The following DARS2 variants were observed in gnomAD, a reference collection of about 807,000 sequenced individuals.
The protein encoded by DARS2 is aspartyl-tRNA synthetase 2, mitochondrial.
DARS2 carries 63 observed loss-of-function variants against 83.0 expected under a neutral mutation model. The observed-to-expected ratio is 0.76, with a 90% CI of 0.62 to 0.94. The LOEUF (loss-of-function observed/expected upper bound fraction) is 0.94, where lower values mean the gene tolerates loss of function less well. Ranked by LOEUF, DARS2 falls within the 40% of genes least tolerant of loss-of-function variation. The probability of loss-of-function intolerance (pLI) is 0.00; values close to 1 mark genes in which losing one functional copy is unlikely to be tolerated. For synonymous variants in DARS2, 250 were observed against 269.3 expected (o/e 0.93, Z 0.70); for missense variants, 675 against 774.4 (o/e 0.87, Z 1.52).
Position 173,853,382 on chromosome 1 carries a change from G to A in DARS2, c.1378G>A (p.Ala460Thr). 1 of 1,613,970 alleles carries A rather than the reference G, an allele frequency of 6.2e-7. No homozygotes were observed. Among genetic ancestry groups the A allele is most frequent in the East Asian group, 2.2e-5 (1 of 44,860 alleles). The change falls in exon 14 of 17, where the codon GCT (alanine) becomes ACT (threonine). Residue 460 changes from alanine to threonine, a missense_variant. By Grantham distance (58) the Ala-to-Thr change is moderately conservative (BLOSUM62 0). Transcript: ENST00000649689. Reference sequence around the variant, plus strand: ...GTTAGGAAAATTACGACTGGAATGTGCTGACCTTCTAGAAACAAGAGGAGT... The same window carrying A: ...GTTAGGAAAATTACGACTGGAATGTACTGACCTTCTAGAAACAAGAGGAGT... ...SLLGKLRLECADLLETRGVVL... is the reference protein window; with the variant it reads ...SLLGKLRLECTDLLETRGVVL...
At chr1:173,848,802 C>T (rs1380127185) in intron 12 of DARS2, among the ~76,000 whole-genome samples, 1 of 152,104 alleles carries the variant, frequency 6.6e-6, no homozygotes, top group Non-Finnish European at 1.5e-5. Context: ...CCTTTCAATA[C>T]GAAGGTTTAT....
At chr1:173,853,276 G>T (rs138908634) in intron 13 of DARS2, 73 bp from the exon 14 acceptor site, 1 of 1,459,834 alleles carries the variant, frequency 6.9e-7, no homozygotes, top group Non-Finnish European at 9.6e-7. Flanking sequence ...GCCTGGCTTC[G>T]GAATCCAGGC....
chr1:173,847,714 C>T (rs1196193830), intron 12 of DARS2, among the ~76,000 whole-genome samples: 1 of 151,996 alleles, frequency 6.6e-6, no homozygotes, highest in African/African-American at 2.4e-5. Flanking sequence ...GGAAATATCT[C>T]TACATACTTT....
chr1:173,854,045 A>G, intron 15 of DARS2, 140 bp downstream of exon 15: 3 of 727,962 alleles, frequency 4.1e-6, no homozygotes, highest in East Asian at 5.5e-5. Context: ...GTGCATTCAT[A>G]GCTCACTGCA....
intron 11 of DARS2, among the ~76,000 whole-genome samples, chr1:173,843,763 T>C (rs1653319240): frequency 6.6e-6 from 1 of 152,236 alleles, no homozygotes; most frequent in Non-Finnish European, 1.5e-5. Context: ...GAAGCTGGTT[T>C]GACCACCACA....
chr1:173,855,816 CA>C (rs1653839303), intron 15 of DARS2, among the ~76,000 whole-genome samples: 1 of 134,858 alleles, frequency 7.4e-6, no homozygotes, highest in Non-Finnish European at 1.5e-5. Context: ...TCACGCCCAG[CA>C]TTTTTTTTTT....
chr1:173,848,143 G>A (rs1653513734), intron 12 of DARS2, among the ~76,000 whole-genome samples: 1 of 152,126 alleles, frequency 6.6e-6, no homozygotes, highest in African/African-American at 2.4e-5. Flanking sequence ...GTGAGCCACC[G>A]TGCCCGGCCC....
Position 173,825,075 on chromosome 1 carries a change from G to A in DARS2, c.-155G>A. On this transcript the variant is annotated 5_prime_UTR_variant, in exon 1 of 17. Transcript: ENST00000649689. ...AGATTTGTCTTGTTTCTAGACACGT[G>A]TACTCCAATGTTGTGCGGAGGAGGC... 4 of 1,068,030 alleles carry A rather than the reference G, an allele frequency of 3.7e-6. No individual in the cohort carries two copies. The highest frequency in any genetic ancestry group is 1.3e-5 in the South Asian group (1 of 76,172). 66.2% of individuals were successfully genotyped at this position (1,068,030 alleles called of 1,614,324 possible).
chr1:173,830,782 C>T, intron 4 of DARS2, 21 bp downstream of exon 4: 3 of 1,601,562 alleles, frequency 1.9e-6, no homozygotes, highest in Non-Finnish European at 2.6e-6. Context: ...TCGAAGATAT[C>T]TGTGTAATTT....
intron 15 of DARS2, among the ~76,000 whole-genome samples, chr1:173,855,105 C>CT (rs11367999): frequency 2.1e-3 from 302 of 142,858 alleles, no homozygotes; most frequent in Admixed American, 2.3e-3. Context: ...AATCTGTTAA[C>CT]TTTTTTTTTT....
intron 11 of DARS2, among the ~76,000 whole-genome samples, chr1:173,842,583 G>T (rs1001203823): frequency 6.6e-6 from 1 of 150,464 alleles, no homozygotes; most frequent in Non-Finnish European, 1.5e-5. Flanking sequence ...GATTACAGGC[G>T]TAAGCCACCA....
rs1173367549 is a variant in DARS2 at position 173,839,431 on chromosome 1, A to G, written c.905A>G (p.Gln302Arg). The G allele has an allele frequency of 6.2e-7, 1 of 1,614,086 alleles. No homozygotes were observed. Among genetic ancestry groups the G allele is most frequent in the African/African-American group, 1.3e-5 (1 of 74,946 alleles). Residue 302 changes from glutamine (Q) to arginine (R), a missense_variant, in exon 10 of 17, where the codon CAG (glutamine) becomes CGG (arginine). By Grantham distance (43) the Gln-to-Arg change is conservative. Coordinates refer to ENST00000649689, the MANE Select transcript of DARS2 (RefSeq NM_018122.5). ...GIQSLIEGLL[Q>R]YSWPNDKDPV... ...CAGAGTTTAATTGAGGGTTTGCTCC[A>G]GTATTCCTGGCCCAATGACAAAGAT...
chr1:173,828,880 CTT>C (rs1652690260), intron 3 of DARS2, among the ~76,000 whole-genome samples: 1 of 152,058 alleles, frequency 6.6e-6, no homozygotes, highest in Non-Finnish European at 1.5e-5. Context: ...TATATCTAGA[CTT>C]ATACAGATAT....
At chr1:173,837,137 A>G in intron 8 of DARS2, 91 bp downstream of exon 8, 2 of 1,145,490 alleles carry the variant, frequency 1.7e-6, no homozygotes, top group South Asian at 2.5e-5. Context: ...TGTTCTCAAG[A>G]GAAGGATAGA....
intron 12 of DARS2, among the ~76,000 whole-genome samples, chr1:173,849,548 A>G (rs1414459469): frequency 1.3e-5 from 2 of 150,984 alleles, no homozygotes; most frequent in Non-Finnish European, 2.9e-5. Flanking sequence ...AAAAAAAAAA[A>G]GCTGGTTGGA....
At chr1:173,855,277 T>C (rs953462726) in intron 15 of DARS2, among the ~76,000 whole-genome samples, 1 of 152,072 alleles carries the variant, frequency 6.6e-6, no homozygotes, top group Admixed American at 6.6e-5. Flanking sequence ...CTATTTTGTA[T>C]TTTTAGTAGA....
chr1:173,850,552 T>C (rs1330798694), intron 13 of DARS2, 73 bp downstream of exon 13: 33 of 1,491,764 alleles, frequency 2.2e-5, no homozygotes, highest in Non-Finnish European at 2.9e-5. Flanking sequence ...GTATATAGTA[T>C]ACGTTTGAAC....
chr1:173,826,832 C>A, intron 2 of DARS2, 46 bp downstream of exon 2: 1 of 1,372,480 alleles, frequency 7.3e-7, no homozygotes, highest in Non-Finnish European at 1.0e-6. Context: ...GTGGTTTTCC[C>A]AGGGCAATTC....
In DARS2 at chr1:173,844,960, AT is replaced by A. The variant is rs1653377956; in HGVS notation, c.1129-264del. Among the ~76,000 whole-genome samples the A allele has an allele frequency of 2.0e-5, 3 of 150,964 alleles. No homozygotes were observed. The South Asian group carries it at 6.3e-4, about 32-fold the overall frequency. On this transcript the variant is annotated intron_variant, in intron 11 of 16. Coordinates refer to ENST00000649689, the MANE Select transcript of DARS2 (RefSeq NM_018122.5). ...AGGCACCTGCCACCATACCAGACTA[AT>A]TTTTGTATTTTTAGTAGAGACGGGG... is the stretch of plus-strand genomic sequence containing the variant.
Sources: allele counts gnomAD v4.1 joint callset (sites outside exome capture counted in the v4.1 genomes callset), GRCh38; gene constraint gnomAD v4.1.1; transcripts MANE v1.5; gene names NCBI Gene and HGNC (gene_info 2026-07-23, HGNC 2026-07-21).